Variants in RARRES1 observed in about 807,000 individuals in gnomAD.
RARRES1 encodes the protein retinoic acid receptor responder protein 1.
RARRES1 carries 34 observed loss-of-function variants against 30.6 expected under a neutral mutation model. The observed-to-expected ratio is 1.11, with a 90% CI of 0.84 to 1.48. The LOEUF (loss-of-function observed/expected upper bound fraction) is 1.48. Among genes scored for constraint, RARRES1 ranks in the 40% most tolerant of loss-of-function variants. RARRES1 has a pLI of 0.00. For missense variants in RARRES1, 373 were observed against 386.5 expected (o/e 0.97, Z 0.29); for synonymous variants, 153 against 155.5 (o/e 0.98, Z 0.12).
At chr3:158,730,404 CT>C (rs1727841459) in intron 1 of RARRES1, among the ~76,000 whole-genome samples, 1 of 108,852 alleles carries the variant, frequency 9.2e-6, no homozygotes, top group Admixed American at 8.7e-5. Context: ...TCCTTCCTTC[CT>C]TCCTTCCTTC....
intron 1 of RARRES1, among the ~76,000 whole-genome samples, chr3:158,716,653 G>T (rs570499197): frequency 6.6e-6 from 1 of 151,332 alleles, no homozygotes; most frequent in Non-Finnish European, 1.5e-5. Flanking sequence ...GCACGATCTC[G>T]GCTCACTGCA....
At chr3:158,705,079 G>C (rs979481543) in intron 3 of RARRES1, 152 bp from the exon 4 acceptor site, 2 of 1,075,242 alleles carry the variant, frequency 1.9e-6, no homozygotes, top group Non-Finnish European at 2.6e-6. Flanking sequence ...GTTTGTATCT[G>C]TTTCTATGTT....
chr3:158,713,651 T>C, intron 2 of RARRES1, 146 bp downstream of exon 2: 1 of 749,960 alleles, frequency 1.3e-6, no homozygotes, highest in Non-Finnish European at 2.2e-6. Context: ...AGTTCTGTTC[T>C]TTAGTTCTTG....
At position 158,704,708 on chromosome 3, in the gene RARRES1, T is replaced by C. The variant is rs1293551120; in HGVS notation, c.672+83A>G. The C allele has an allele frequency of 2.1e-5, 31 of 1,505,166 alleles. No homozygotes were observed. The East Asian group carries it at 6.8e-4, about 33-fold the overall frequency. The allele number at this position is 1,505,166 out of a possible 1,614,324, so 93.2% of individuals were successfully genotyped here. ...GTGATTACAACTCTTGATATGAAAT[T>C]AGAAGTTCGCATGAATTCAGTCTAA... is the stretch of plus-strand genomic sequence containing the variant. On this transcript the variant is annotated intron_variant, in intron 4 of 5. Coordinates refer to ENST00000237696, the MANE Select transcript of RARRES1 (RefSeq NM_206963.2).
At chr3:158,708,603 C>T (rs185674691) in intron 3 of RARRES1, among the ~76,000 whole-genome samples, 1 of 152,218 alleles carries the variant, frequency 6.6e-6, no homozygotes, top group African/African-American at 2.4e-5. Flanking sequence ...GATCTTCTCA[C>T]TTACCCATTG....
Position 158,732,174 on chromosome 3 carries a change from C to A in RARRES1, c.242G>T (p.Arg81Leu), listed in dbSNP as rs373683910. 98 of 1,416,106 alleles carry A rather than the reference C, an allele frequency of 6.9e-5. 1 individual carries two copies. The East Asian group carries it at 1.6e-3, about 23-fold the overall frequency. 87.7% of individuals were successfully genotyped at this position (1,416,106 alleles called of 1,614,324 possible). A position where few individuals can be genotyped will look rare whatever the true frequency, so the allele number is the denominator to read the frequency against. The change falls in exon 1 of 6, where the codon CGA (arginine) becomes CTA (leucine). Residue 81 changes from arginine (R) to leucine (L), a missense_variant. By Grantham distance (102) the Arg-to-Leu change is moderately radical (BLOSUM62 -2). Coordinates refer to ENST00000237696, the MANE Select transcript of RARRES1 (RefSeq NM_206963.2). ...GCCCTCCTGCACCTCGGCCAGCACT[C>A]GTAGCGCGCTGGGCGAGCCGGACCG... ...NFRSGSPSAL[R>L]VLAEVQEGRA... is the part of the protein sequence containing the mutation.
At position 158,706,672 on chromosome 3, in the gene RARRES1, G is replaced by T. The variant is rs1726935224; in HGVS notation, c.536-1745C>A. 2.0e-5 allele frequency among the ~76,000 whole-genome samples: 3 copies of T among 152,310 alleles called. No individual in the cohort carries two copies. In the South Asian group the frequency reaches 6.2e-4, roughly 32 times the overall value. ...GATTAGTCCAAAATACTTTGTGAAT[G>T]CAGGCTTGATAGGAAATGGCAAGTT... On this transcript the variant is annotated intron_variant, in intron 3 of 5. Transcript: ENST00000237696.
intron 1 of RARRES1, among the ~76,000 whole-genome samples, chr3:158,717,117 G>A (rs763896980): frequency 6.6e-6 from 1 of 152,194 alleles, no homozygotes; most frequent in Non-Finnish European, 1.5e-5. Flanking sequence ...TCTGGATGCA[G>A]TGTCTGCACT....
intron 1 of RARRES1, among the ~76,000 whole-genome samples, chr3:158,718,476 A>G (rs1414273410): frequency 2.6e-5 from 4 of 152,240 alleles, no homozygotes; most frequent in Non-Finnish European, 5.9e-5. Flanking sequence ...TAAATAAGCA[A>G]TGAGTTAATA....
At position 158,713,756 on chromosome 3, in the gene RARRES1, G is replaced by A; in HGVS notation, c.339+41C>T. On this transcript the variant is annotated intron_variant, in intron 2 of 5. Coordinates refer to ENST00000237696, the MANE Select transcript of RARRES1 (RefSeq NM_206963.2). ...ACTTTTTTACAAAGCCATATTTATA[G>A]CAGTTGCTAATAGGATACTTTGCCA... 1.9e-6 allele frequency: 3 copies of A among 1,552,320 alleles called. No individual in the cohort carries two copies. The South Asian group carries it at 3.4e-5, about 18-fold the overall frequency.
chr3:158,717,710 A>C (rs952840041), intron 1 of RARRES1, among the ~76,000 whole-genome samples: 2 of 152,148 alleles, frequency 1.3e-5, no homozygotes, highest in African/African-American at 4.8e-5. Context: ...AGTTGTGCAG[A>C]GTTAATGTAG....
intron 1 of RARRES1, among the ~76,000 whole-genome samples, chr3:158,728,536 G>GTTTTTTTTTTTTTTTTTTTT (rs1553746148): frequency 1.4e-5 from 2 of 141,690 alleles, no homozygotes; most frequent in Non-Finnish European, 1.5e-5. Context: ...TTTTTTTTTG[G>GTTTTTTTTTTTTTTTTTTTT]TTTTTGAGAC....
At position 158,701,295 on chromosome 3, in the gene RARRES1, C is replaced by T. The variant is rs369360351; in HGVS notation, c.673-3325G>A. ...AGTATTGGGAATGACATCTATTCTT[C>T]AGTTCTAAGGAAAGAGTTGTGCCAG... On this transcript the variant is annotated intron_variant, in intron 4 of 5. Coordinates refer to ENST00000237696, the MANE Select transcript of RARRES1 (RefSeq NM_206963.2). 5.3e-5 allele frequency among the ~76,000 whole-genome samples: 8 copies of T among 152,062 alleles called. 1 individual carries two copies. The highest frequency in any genetic ancestry group is 3.9e-4 in the East Asian group (2 of 5,178).
intron 1 of RARRES1, among the ~76,000 whole-genome samples, chr3:158,731,729 G>A (rs1727894513): frequency 6.6e-6 from 1 of 152,212 alleles, no homozygotes. Flanking sequence ...TTTGGCTGCA[G>A]CCACTAGTAG....
chr3:158,725,022 T>A (rs1271168477), intron 1 of RARRES1, among the ~76,000 whole-genome samples: 1 of 152,052 alleles, frequency 6.6e-6, no homozygotes, highest in Non-Finnish European at 1.5e-5. Flanking sequence ...TGGGGTCTCA[T>A]CACGTTGCCC....
At chr3:158,731,635 C>T (rs1241996086) in intron 1 of RARRES1, among the ~76,000 whole-genome samples, 2 of 152,214 alleles carry the variant, frequency 1.3e-5, no homozygotes, top group Non-Finnish European at 2.9e-5. Context: ...GAAGCCCTAG[C>T]GTGGTGGACT....
chr3:158,730,690 G>A (rs1261257370), intron 1 of RARRES1, among the ~76,000 whole-genome samples: 1 of 152,042 alleles, frequency 6.6e-6, no homozygotes, highest in East Asian at 1.9e-4. Context: ...GAGCTCAAGC[G>A]ATTTGCCCAC....
chr3:158,699,799 A>G (rs983278553), intron 4 of RARRES1, among the ~76,000 whole-genome samples: 2 of 152,138 alleles, frequency 1.3e-5, no homozygotes, highest in Admixed American at 1.3e-4. Flanking sequence ...CATGAGAGAA[A>G]ATTCAGTGTC....
chr3:158,732,217 G>A lies in RARRES1; in HGVS notation c.199C>T (p.Leu67Phe). 3 of 1,404,838 alleles carry A rather than the reference G, an allele frequency of 2.1e-6. No individual in the cohort carries two copies. Among genetic ancestry groups the A allele is most frequent in the Non-Finnish European group, 2.8e-6 (3 of 1,086,304 alleles). 87.0% of individuals were successfully genotyped at this position (1,404,838 alleles called of 1,614,324 possible). A position where few individuals can be genotyped will look rare whatever the true frequency, so the allele number is the denominator to read the frequency against. The stretch of plus-strand genomic sequence containing the variant: ...CCGGACCGGAAGTTGAAGAAGTGAA[G>A]CGCCGCGCGCGCCGCCTGCTGCAGG... ...RLLQQAARAA[L>F]HFFNFRSGSP... The change falls in exon 1 of 6, where the codon CTT becomes TTT. Residue 67 changes from leucine (L) to phenylalanine (F), a missense_variant. By Grantham distance (22) the Leu-to-Phe change is conservative. Transcript: ENST00000237696.
Sources: allele counts gnomAD v4.1 joint callset (sites outside exome capture counted in the v4.1 genomes callset), GRCh38; gene constraint gnomAD v4.1.1; transcripts MANE v1.5; gene names NCBI Gene and HGNC (gene_info 2026-07-23, HGNC 2026-07-21).